The following LRGUK variants were observed in gnomAD, a reference collection of about 807,000 sequenced individuals.
LRGUK encodes the protein leucine rich repeats and guanylate kinase domain containing.
A neutral mutation model predicts 76.0 loss-of-function variants in LRGUK; 65 were observed. The ratio of observed to expected loss-of-function variants is 0.85; its 90% confidence interval spans 0.70 to 1.05. The LOEUF (loss-of-function observed/expected upper bound fraction) is 1.05. Among genes scored for constraint, LRGUK ranks in the 50% least tolerant of loss-of-function variants. The pLI, the probability that LRGUK is intolerant of heterozygous loss-of-function variation, is 0.00. For missense variants in LRGUK, 758 were observed against 732.8 expected, an observed-to-expected ratio of 1.03 and a Z score of -0.40; for synonymous variants, 268 against 265.6, an observed-to-expected ratio of 1.01 and a Z score of -0.09.
At chr7:134,163,476 T>C in exon 7 of LRGUK, 1 of 1,613,990 alleles carries the variant, frequency 6.2e-7, no homozygotes, top group Non-Finnish European at 8.5e-7. Flanking sequence ...CACAATCAGA[T>C]AAGCAGCCTC....
intron 16 of LRGUK, among the ~76,000 whole-genome samples, chr7:134,241,964 A>G (rs1484233831): frequency 1.3e-5 from 2 of 152,248 alleles, no homozygotes; most frequent in African/African-American, 4.8e-5. Flanking sequence ...TACTGGGTAC[A>G]TAATAAAATG....
intron 11 of LRGUK, among the ~76,000 whole-genome samples, chr7:134,188,308 A>G (rs532045883): frequency 6.6e-6 from 1 of 152,318 alleles, no homozygotes; most frequent in South Asian, 2.1e-4. Flanking sequence ...AGGACAGCAT[A>G]TGGCTCAGCT....
intron 13 of LRGUK, 76 bp downstream of exon 13, chr7:134,197,181 G>A (rs1800526988): frequency 3.7e-6 from 3 of 801,886 alleles, no homozygotes; most frequent in Admixed American, 2.1e-5. Flanking sequence ...GTGTGTGTGT[G>A]TGTATATATG....
chr7:134,228,980 ATAGT>A (rs1801826023), intron 16 of LRGUK, among the ~76,000 whole-genome samples: 1 of 152,242 alleles, frequency 6.6e-6, no homozygotes, highest in South Asian at 2.1e-4. Context: ...AAGCTTGAAA[ATAGT>A]TAATAAATGC....
intron 16 of LRGUK, among the ~76,000 whole-genome samples, chr7:134,243,294 T>G (rs1802210450): frequency 6.6e-6 from 1 of 152,184 alleles, no homozygotes; most frequent in African/African-American, 2.4e-5. Flanking sequence ...TGATTTTATA[T>G]TTAGAAAACC....
intron 5 of LRGUK, among the ~76,000 whole-genome samples, chr7:134,152,640 A>G (rs1798270460): frequency 6.6e-6 from 1 of 152,026 alleles, no homozygotes; most frequent in South Asian, 2.1e-4. Flanking sequence ...GTTTGTGGGT[A>G]TGAAATTGGT....
intron 16 of LRGUK, among the ~76,000 whole-genome samples, chr7:134,240,598 G>A (rs1323497891): frequency 6.6e-6 from 1 of 152,216 alleles, no homozygotes; most frequent in Non-Finnish European, 1.5e-5. Flanking sequence ...GAAAGTGACT[G>A]GGAGAATGGA....
At chr7:134,182,722 A>G (rs1799805985) in intron 10 of LRGUK, among the ~76,000 whole-genome samples, 1 of 151,460 alleles carries the variant, frequency 6.6e-6, no homozygotes, top group Non-Finnish European at 1.5e-5. Flanking sequence ...GTTTAAACAC[A>G]TTGTTCAGTG....
chr7:134,270,993 C>A, the LRGUK span, among the ~76,000 whole-genome samples: 32 of 151,952 alleles, frequency 2.1e-4, no homozygotes, highest in Non-Finnish European at 2.7e-4. Context: ...CTTTTTATTG[C>A]TAATCCAATA....
intron 13 of LRGUK, 116 bp from the exon 14 acceptor site, chr7:134,199,104 A>C (rs1200987839): frequency 5.6e-6 from 4 of 712,010 alleles, no homozygotes; most frequent in African/African-American, 5.4e-5. Context: ...CAGATGAAAT[A>C]AATTCTTCAA....
intron 16 of LRGUK, among the ~76,000 whole-genome samples, chr7:134,231,920 C>G (rs894921338): frequency 5.9e-5 from 9 of 151,820 alleles, no homozygotes; most frequent in Admixed American, 2.0e-4. Context: ...TCCTCCCTTC[C>G]CATCCCTTCT....
rs879200049 is a variant in LRGUK at position 134,178,428 on chromosome 7, A to C, written c.1108-75A>C. The C allele has an allele frequency of 4.5e-6, 5 of 1,112,042 alleles. No individual in the cohort carries two copies. In the Admixed American group the frequency reaches 1.1e-4, roughly 25 times the overall value. The allele number at this position is 1,112,042 out of a possible 1,614,324, so 68.9% of individuals were successfully genotyped here. A position where few individuals can be genotyped will look rare whatever the true frequency, so the allele number is the denominator to read the frequency against. ...GCTGCACGTGAACAACATTTCATTAAGGAAAAATCCAAGCTTTGTCTTCTT... is the reference window on the plus strand; with the variant it reads ...GCTGCACGTGAACAACATTTCATTACGGAAAAATCCAAGCTTTGTCTTCTT... On this transcript the variant is annotated intron_variant, in intron 9 of 15. Coordinates refer to ENST00000645682, the Ensembl canonical transcript of LRGUK.
At chr7:134,244,842 G>C (rs974862504) in intron 16 of LRGUK, among the ~76,000 whole-genome samples, 13 of 152,120 alleles carry the variant, frequency 8.5e-5, no homozygotes, top group African/African-American at 2.9e-4. Context: ...AGAAAATGTG[G>C]CACACATACA....
At chr7:134,254,346 A>G (rs1250406354) in intron 18 of LRGUK, among the ~76,000 whole-genome samples, 1 of 152,166 alleles carries the variant, frequency 6.6e-6, no homozygotes, top group Non-Finnish European at 1.5e-5. Context: ...GGGAATTGAT[A>G]CTGTCTTAGA....
downstream of LRGUK, among the ~76,000 whole-genome samples, chr7:134,268,230 A>G (rs58630913): frequency 0.045 from 6,790 of 152,242 alleles, 400 homozygotes; most frequent in African/African-American, 0.13. Context: ...TTTAGTAAAA[A>G]CAGATGAAGA....
At chr7:134,241,200 C>A (rs1475235593) in intron 16 of LRGUK, among the ~76,000 whole-genome samples, 1 of 152,128 alleles carries the variant, frequency 6.6e-6, no homozygotes, top group Non-Finnish European at 1.5e-5. Context: ...TCACACGTAA[C>A]AATATTAACC....
intron 1 of LRGUK, among the ~76,000 whole-genome samples, chr7:134,130,328 T>C (rs1299012378): frequency 6.8e-6 from 1 of 148,114 alleles, no homozygotes; most frequent in Non-Finnish European, 1.5e-5. Context: ...ACCACCAGTG[T>C]ACTTTGTTAT....
Position 134,150,456 on chromosome 7 carries a change from G to A in LRGUK, c.670+2137G>A, listed in dbSNP as rs144326458. On this transcript the variant is annotated intron_variant, in intron 5 of 15. Transcript: ENST00000645682. ...TAGCCTGGCGACAGAGCGAGACTTC[G>A]TCTCAAAACAAAAACAAGCAAACAA... Among the ~76,000 whole-genome samples the A allele has an allele frequency of 1.3e-3, 183 of 139,068 alleles. 3 individuals carry two copies. In the East Asian group the frequency reaches 0.034, roughly 26 times the overall value. 91.2% of individuals were successfully genotyped at this position (139,068 alleles called of 152,430 possible).
chr7:134,250,732 A>C (rs183245209), intron 18 of LRGUK, among the ~76,000 whole-genome samples: 1 of 152,274 alleles, frequency 6.6e-6, no homozygotes, highest in African/African-American at 2.4e-5. Context: ...CCGTGTTGAA[A>C]CTGTGATCTC....
Sources: gnomAD v4.1 joint callset for allele counts (sites outside exome capture counted in the v4.1 genomes callset) on GRCh38, gnomAD v4.1.1 for gene constraint, MANE v1.5 for transcripts, NCBI Gene and HGNC (gene_info 2026-07-23, HGNC 2026-07-21) for gene names.